NEMP2: variants seen among roughly 807,000 people sequenced by gnomAD.
NEMP2 encodes nuclear envelope integral membrane protein 2.
Under a neutral mutation model 54.2 loss-of-function variants are expected in NEMP2, and 53 were observed. The ratio of observed to expected loss-of-function variants is 0.98; its 90% CI spans 0.78 to 1.23. The LOEUF is 1.23. NEMP2 is among the 50% of genes most tolerant of loss of function. The pLI is 0.00. For missense variants in NEMP2, 455 were observed against 511.3 expected (o/e 0.89, Z 1.06); for synonymous variants, 197 against 190.3 (o/e 1.04, Z -0.29).
At chr2:190,636,983 G>C in the NEMP2 span, among the ~76,000 whole-genome samples, 38 of 152,176 alleles carry the variant, frequency 2.5e-4, no homozygotes, top group Non-Finnish European at 4.7e-4. Flanking sequence ...TGTTCTCCAA[G>C]TGTGGTCTAG....
the NEMP2 span, chr2:190,444,894 C>T: frequency 3.3e-5 from 27 of 830,406 alleles, no homozygotes; most frequent in Admixed American, 3.7e-4. Flanking sequence ...TAAAAAGTGA[C>T]GTTAATCTTT....
At chr2:190,624,003 G>A in the NEMP2 span, among the ~76,000 whole-genome samples, 1 of 152,184 alleles carries the variant, frequency 6.6e-6, no homozygotes, top group Non-Finnish European at 1.5e-5. Context: ...AATGGGCAGA[G>A]CCAGGCACAT....
At chr2:190,503,453 C>T (rs1690101514), downstream of NEMP2, among the ~76,000 whole-genome samples, 1 of 152,218 alleles carries the variant, frequency 6.6e-6, no homozygotes, top group Non-Finnish European at 1.5e-5. The surrounding 1 kb of genome is among the most constrained non-coding windows in gnomAD (Gnocchi z 6.3). Flanking sequence ...TAAATAGCCA[C>T]ACGTGGCTCA....
chr2:190,482,868 C>CTTTTTTTTTTTTTTTTTTT, the NEMP2 span, among the ~76,000 whole-genome samples: 4 of 48,292 alleles, frequency 8.3e-5, 1 homozygote, highest in East Asian at 7.0e-4. Context: ...AGACTATCAT[C>CTTTTTTTTTTTTTTTTTTT]TTTTTTTTTT....
chr2:190,430,782 C>T, the NEMP2 span, among the ~76,000 whole-genome samples: 3 of 151,306 alleles, frequency 2.0e-5, no homozygotes, highest in Non-Finnish European at 4.4e-5. Flanking sequence ...GAAGGGGCGG[C>T]CGGGCGGGCA....
the NEMP2 span, among the ~76,000 whole-genome samples, chr2:190,474,486 G>A: frequency 6.6e-6 from 1 of 152,184 alleles, no homozygotes; most frequent in Admixed American, 6.5e-5. Flanking sequence ...TAAATTCCTT[G>A]ACACAAACAA....
At chr2:190,459,707 C>G in the NEMP2 span, among the ~76,000 whole-genome samples, 1 of 152,140 alleles carries the variant, frequency 6.6e-6, no homozygotes, top group Non-Finnish European at 1.5e-5. The surrounding 1 kb of genome is among the most constrained non-coding windows in gnomAD (Gnocchi z 5.3). Flanking sequence ...GCACAGTGAT[C>G]CTGCTGATGG....
chr2:190,614,470 C>T, the NEMP2 span, among the ~76,000 whole-genome samples: 1 of 152,110 alleles, frequency 6.6e-6, no homozygotes, highest in Non-Finnish European at 1.5e-5. This position sits in a 1 kb window ranked among gnomAD's most constrained non-coding sequence, Gnocchi z 5.7. Flanking sequence ...AACATGAAGG[C>T]CTTTTAAATA....
At chr2:190,613,836 C>T in the NEMP2 span, among the ~76,000 whole-genome samples, 1 of 151,942 alleles carries the variant, frequency 6.6e-6, no homozygotes, top group South Asian at 2.1e-4. Context: ...GTGATCTGCC[C>T]GCCTCGGCCT....
chr2:190,518,962 C>T lies in NEMP2; in HGVS notation c.435G>A (p.Val145=). 6.5e-7 allele frequency: 1 copy of T among 1,550,074 alleles called. No individual in the cohort carries two copies. The change falls in exon 3 of 9, where the codon GTG becomes GTA. Residue 145 remains valine (V), a synonymous_variant. Coordinates refer to ENST00000409150, the MANE Select transcript of NEMP2 (RefSeq NM_001142645.2). ...VKKIFNYMIH[V]NRNIMDFKLF... ...TAAAATCGGACTTACTGTTTCGATT[C>T]ACATGTATCATATAGTTAAATATCT...
chr2:190,509,453 T>A lies in NEMP2; in HGVS notation c.1131-141A>T. The A allele has an allele frequency of 1.1e-6, 1 of 907,510 alleles. No homozygotes were observed. The highest frequency in any genetic ancestry group is 1.7e-6 in the Non-Finnish European group (1 of 597,908). 56.2% of individuals were successfully genotyped at this position (907,510 alleles called of 1,614,324 possible). The stretch of plus-strand genomic sequence containing the variant: ...CAGGGTGGCATTTACACAGTGGGTG[T>A]AAAAATGGGAATGGCTTATGTGATC... On this transcript the variant is annotated intron_variant, in intron 8 of 8. Coordinates refer to ENST00000409150, the MANE Select transcript of NEMP2 (RefSeq NM_001142645.2). The surrounding 1 kb of genome is among the most constrained non-coding windows in gnomAD (Gnocchi z 6.1).
rs550554055 is a variant in NEMP2 at position 190,533,065 on chromosome 2, A to C, written c.97+1494T>G. ...TTATACTAAATGCGGTAACATAAAA[A>C]CTTTAAAAACACCAGGTTCACTGAG... On this transcript the variant is annotated intron_variant, in intron 1 of 8. Transcript: ENST00000409150. The surrounding 1 kb of genome is among the most constrained non-coding windows in gnomAD (Gnocchi z 4.3). Among the ~76,000 whole-genome samples the C allele has an allele frequency of 1.4e-4, 22 of 152,370 alleles. No individual in the cohort carries two copies. The highest frequency in any genetic ancestry group is 3.1e-4 in the Non-Finnish European group (21 of 68,034).
At chr2:190,483,791 C>T in the NEMP2 span, among the ~76,000 whole-genome samples, 18 of 145,678 alleles carry the variant, frequency 1.2e-4, no homozygotes, top group Non-Finnish European at 1.9e-4. Context: ...GCCGAGATCA[C>T]GCCATTGCAC....
At position 190,509,705 on chromosome 2, in the gene NEMP2, G is replaced by A. The variant is rs1233219265; in HGVS notation, c.1131-393C>T. 6.6e-6 allele frequency among the ~76,000 whole-genome samples: 1 copy of A among 152,204 alleles called. No homozygotes were observed. The highest frequency in any genetic ancestry group is 1.5e-5 in the Non-Finnish European group (1 of 68,042). ...AGTTATGAGGAAGAGAAAGCAATAAGGAAAAATTTTGGGACAGACGTCTTT... is the reference window on the plus strand; with the variant it reads ...AGTTATGAGGAAGAGAAAGCAATAAAGAAAAATTTTGGGACAGACGTCTTT... On this transcript the variant is annotated intron_variant, in intron 8 of 8. Transcript: ENST00000409150. This position sits in a 1 kb window ranked among gnomAD's most constrained non-coding sequence, Gnocchi z 6.1.
the NEMP2 span, among the ~76,000 whole-genome samples, chr2:190,438,228 C>A: frequency 1.4e-5 from 2 of 142,332 alleles, no homozygotes; most frequent in Admixed American, 1.4e-4. This position sits in a 1 kb window ranked among gnomAD's most constrained non-coding sequence, Gnocchi z 5.2. Context: ...AAAAAAAAAT[C>A]TATAGGCTGG....
At chr2:190,634,199 C>T in the NEMP2 span, among the ~76,000 whole-genome samples, 2 of 152,054 alleles carry the variant, frequency 1.3e-5, no homozygotes, top group African/African-American at 2.4e-5. The surrounding 1 kb of genome is among the most constrained non-coding windows in gnomAD (Gnocchi z 6.8). Context: ...AATAAACACC[C>T]ACATACCCAG....
At chr2:190,540,945 C>T in the NEMP2 span, among the ~76,000 whole-genome samples, 1 of 151,978 alleles carries the variant, frequency 6.6e-6, no homozygotes, top group African/African-American at 2.4e-5. Context: ...TTTCTTCAAT[C>T]TTGGCATGTT....
chr2:190,542,865 GT>G, the NEMP2 span, among the ~76,000 whole-genome samples: 3 of 152,162 alleles, frequency 2.0e-5, no homozygotes, highest in African/African-American at 7.2e-5. The surrounding 1 kb of genome is among the most constrained non-coding windows in gnomAD (Gnocchi z 4.6). Flanking sequence ...ACATAGCACT[GT>G]TTTTGTAGGT....
the NEMP2 span, chr2:190,463,883 C>T: frequency 1.6e-4 from 158 of 984,196 alleles, no homozygotes; most frequent in Non-Finnish European, 1.8e-4. This position sits in a 1 kb window ranked among gnomAD's most constrained non-coding sequence, Gnocchi z 4.4. Flanking sequence ...AATCTAAGGG[C>T]GCACCATATA....
Sources: gnomAD v4.1 joint callset for allele counts (sites outside exome capture counted in the v4.1 genomes callset) on GRCh38, gnomAD v4.1.1 for gene constraint, Gnocchi (gnomAD v3.1) non-coding constraint, MANE v1.5 for transcripts, NCBI Gene and HGNC (gene_info 2026-07-23, HGNC 2026-07-21) for gene names.